Variants in FAM13A observed in about 807,000 individuals in gnomAD.
FAM13A encodes protein FAM13A.
FAM13A carries 76 observed loss-of-function variants against 129.6 expected under a neutral mutation model. The ratio of observed to expected loss-of-function variants is 0.59; its 90% confidence interval spans 0.49 to 0.71. The LOEUF (loss-of-function observed/expected upper bound fraction) is 0.71. FAM13A is among the 30% of genes least tolerant of loss of function. FAM13A has a pLI of 0.00. For synonymous variants in FAM13A, 443 were observed against 449.9 expected (o/e 0.98, Z 0.20); for missense variants, 1,108 against 1,249.3 (o/e 0.89, Z 1.70).
intron 4 of FAM13A, among the ~76,000 whole-genome samples, chr4:88,956,339 GCT>G (rs1222014424): frequency 6.6e-6 from 1 of 152,192 alleles, no homozygotes; most frequent in African/African-American, 2.4e-5. Context: ...ACAGTAACAT[GCT>G]GCACATGTTT....
chr4:88,883,900 T>C (rs1425176276), intron 6 of FAM13A, among the ~76,000 whole-genome samples: 2 of 152,146 alleles, frequency 1.3e-5, no homozygotes, highest in East Asian at 3.9e-4. Context: ...ACACATAAAC[T>C]AGAAAACCAA....
chr4:88,919,804 G>C (rs1445687358), intron 5 of FAM13A, among the ~76,000 whole-genome samples: 1 of 152,240 alleles, frequency 6.6e-6, no homozygotes, highest in Non-Finnish European at 1.5e-5. Flanking sequence ...TCAAAGAAAG[G>C]GGTGACAGAT....
chr4:88,963,282 A>G (rs897615966), intron 4 of FAM13A, among the ~76,000 whole-genome samples: 2 of 151,972 alleles, frequency 1.3e-5, no homozygotes, highest in African/African-American at 4.8e-5. Context: ...GAGATTACTA[A>G]GAGTTTCATT....
At chr4:88,783,880 C>A (rs1723448889) in intron 10 of FAM13A, among the ~76,000 whole-genome samples, 1 of 152,078 alleles carries the variant, frequency 6.6e-6, no homozygotes, top group Admixed American at 6.5e-5. Context: ...GAGGCCTCAA[C>A]AGAAACGGAC....
chr4:89,007,961 T>C (rs1416564455), intron 3 of FAM13A, among the ~76,000 whole-genome samples: 3 of 151,906 alleles, frequency 2.0e-5, no homozygotes, highest in Non-Finnish European at 4.4e-5. Flanking sequence ...TCAAAAAGGA[T>C]CAATATTAAA....
intron 5 of FAM13A, among the ~76,000 whole-genome samples, chr4:88,917,403 C>T (rs1458098008): frequency 6.6e-6 from 1 of 152,138 alleles, no homozygotes; most frequent in Non-Finnish European, 1.5e-5. Context: ...AAACACCCCC[C>T]ATTAGGTCCC....
At chr4:88,810,020 T>A (rs1240862084) in intron 7 of FAM13A, among the ~76,000 whole-genome samples, 3 of 152,092 alleles carry the variant, frequency 2.0e-5, no homozygotes, top group Non-Finnish European at 4.4e-5. Context: ...TTGCACTTTG[T>A]GCCTAAGAAC....
In FAM13A at chr4:89,040,386, C is replaced by A. The variant is rs1277752392; in HGVS notation, c.28-10737G>T. On this transcript the variant is annotated intron_variant, in intron 1 of 23. Transcript: ENST00000264344. ...TAATAAATTTGGAAAAAATAGGAAT[C>A]CCTCAAAGAGACTCCCAGCTAACAA... 2.6e-5 allele frequency among the ~76,000 whole-genome samples: 4 copies of A among 152,098 alleles called. 1 individual carries two copies. Among genetic ancestry groups the A allele is most frequent in the Non-Finnish European group, 1.5e-5 (1 of 68,012 alleles).
chr4:88,917,376 A>G (rs1274853033), intron 5 of FAM13A, among the ~76,000 whole-genome samples: 4 of 152,026 alleles, frequency 2.6e-5, no homozygotes, highest in Non-Finnish European at 5.9e-5. Flanking sequence ...TTCACGAGGA[A>G]TCCACCCCCA....
rs555966530 is a variant in FAM13A at position 88,787,634 on chromosome 4, C to A, written c.1271+119G>T. On this transcript the variant is annotated intron_variant, in intron 10 of 23. Transcript: ENST00000264344. ...AACTGATAACTCTTAAAGTTTTAAC[C>A]TAAATACTGAAATGGGAGAGGACCA... 4.5e-6 allele frequency: 4 copies of A among 895,274 alleles called. No homozygotes were observed. In the East Asian group the frequency reaches 1.0e-4, roughly 23 times the overall value. The allele number at this position is 895,274 out of a possible 1,614,324, so 55.5% of individuals were successfully genotyped here. A position where few individuals can be genotyped will look rare whatever the true frequency, so the allele number is the denominator to read the frequency against.
chr4:88,782,816 T>C (rs1403870741), intron 10 of FAM13A, among the ~76,000 whole-genome samples: 1 of 152,198 alleles, frequency 6.6e-6, no homozygotes, highest in Non-Finnish European at 1.5e-5. Context: ...CATGCACATG[T>C]TCCTCAATCT....
chr4:88,836,697 G>C (rs72872123), intron 7 of FAM13A, among the ~76,000 whole-genome samples: 10,665 of 152,242 alleles, frequency 0.07, 533 homozygotes, highest in African/African-American at 0.14. Context: ...GGTGGCTCAT[G>C]CCTGTAAATC....
In FAM13A at chr4:88,727,436, T is replaced by C. The variant is rs1464536808; in HGVS notation, c.*1097A>G. On this transcript the variant is annotated 3_prime_UTR_variant, in exon 24 of 24. Coordinates refer to ENST00000264344, the MANE Select transcript of FAM13A (RefSeq NM_014883.4). ...GCCACACAGCATGACTTCTTTTTTT[T>C]CTTTTTATACATGATCTCGAAAATA... 6.6e-6 allele frequency: 1 copy of C among 152,664 alleles called. No individual in the cohort carries two copies. Among genetic ancestry groups the C allele is most frequent in the African/African-American group, 2.4e-5 (1 of 41,464 alleles). 9.5% of individuals were successfully genotyped at this position (152,664 alleles called of 1,614,324 possible). A position where few individuals can be genotyped will look rare whatever the true frequency, so the allele number is the denominator to read the frequency against.
At chr4:88,986,136 C>A (rs1188013277) in intron 4 of FAM13A, among the ~76,000 whole-genome samples, 2 of 142,534 alleles carry the variant, frequency 1.4e-5, no homozygotes, top group Admixed American at 1.4e-4. Flanking sequence ...ATAATTTTCA[C>A]TTTTTTTTTT....
intron 6 of FAM13A, among the ~76,000 whole-genome samples, chr4:88,892,442 G>T (rs1311743349): frequency 6.6e-6 from 1 of 152,124 alleles, no homozygotes; most frequent in African/African-American, 2.4e-5. Context: ...GCCTCCCAAA[G>T]TGCTGGGATT....
intron 19 of FAM13A, among the ~76,000 whole-genome samples, chr4:88,744,587 C>T (rs1009804071): frequency 6.6e-6 from 1 of 152,112 alleles, no homozygotes; most frequent in African/African-American, 2.4e-5. Flanking sequence ...TTTTGAGCAC[C>T]TGCTTTTCTA....
chr4:88,931,826 C>T (rs1288558605), intron 5 of FAM13A, among the ~76,000 whole-genome samples: 1 of 152,146 alleles, frequency 6.6e-6, no homozygotes, highest in Non-Finnish European at 1.5e-5. Flanking sequence ...TTCATAAATG[C>T]TCAAAATGAT....
chr4:88,997,449 A>G (rs1277705201), intron 3 of FAM13A, among the ~76,000 whole-genome samples: 1 of 152,218 alleles, frequency 6.6e-6, no homozygotes, highest in Non-Finnish European at 1.5e-5. Flanking sequence ...CACAGTATAC[A>G]TAGCATACAG....
chr4:88,949,466 T>C (rs544027770), intron 4 of FAM13A, among the ~76,000 whole-genome samples: 3 of 152,324 alleles, frequency 2.0e-5, no homozygotes, highest in Admixed American at 6.5e-5. Context: ...AAAAAATCTA[T>C]TATTGAAAGC....
Sources: gnomAD v4.1 joint callset for allele counts (sites outside exome capture counted in the v4.1 genomes callset) on GRCh38, gnomAD v4.1.1 for gene constraint, MANE v1.5 for transcripts, NCBI Gene and HGNC (gene_info 2026-07-23, HGNC 2026-07-21) for gene names.